FOCAD: variants seen among roughly 807,000 people sequenced by gnomAD.
FOCAD encodes focadhesin, also known as KIAA1797.
FOCAD carries 198 observed loss-of-function variants against 225.6 expected under a neutral mutation model. The ratio of observed to expected loss-of-function variants is 0.88; its 90% CI spans 0.78 to 0.99. FOCAD has a LOEUF of 0.99. FOCAD is among the 50% of genes least tolerant of loss of function. The probability of loss-of-function intolerance (pLI) is 0.00; values close to 1 mark genes in which losing one functional copy is unlikely to be tolerated. For synonymous variants in FOCAD, 897 were observed against 755.0 expected, an observed-to-expected ratio of 1.19 and a Z score of -3.08; for missense variants, 2,713 against 2,123.6, an observed-to-expected ratio of 1.28 and a Z score of -5.46.
intron 30 of FOCAD, among the ~76,000 whole-genome samples, chr9:20,947,744 T>C (rs1239325631): frequency 6.6e-6 from 1 of 152,208 alleles, no homozygotes; most frequent in Non-Finnish European, 1.5e-5. Context: ...TAAAGGTTTC[T>C]CCACTGTCTT....
At chr9:20,848,229 C>A (rs1285536238) in intron 15 of FOCAD, among the ~76,000 whole-genome samples, 1 of 151,948 alleles carries the variant, frequency 6.6e-6, no homozygotes, top group African/African-American at 2.4e-5. Flanking sequence ...TATGACTGGA[C>A]AAAATGGGCA....
chr9:20,956,306 A>G (rs1176446087), intron 35 of FOCAD, among the ~76,000 whole-genome samples: 1 of 152,216 alleles, frequency 6.6e-6, no homozygotes, highest in African/African-American at 2.4e-5. Flanking sequence ...TGCCAAGGTT[A>G]TGTGTGATTT....
chr9:20,798,702 A>G (rs1008415639), intron 11 of FOCAD, among the ~76,000 whole-genome samples: 3 of 151,680 alleles, frequency 2.0e-5, no homozygotes, highest in Admixed American at 2.0e-4. Flanking sequence ...TATCCCCTTT[A>G]TCATTTTTTA....
chr9:20,933,030 G>C lies in FOCAD; in HGVS notation c.3334G>C (p.Glu1112Gln), dbSNP rs955690824. Residue 1112 changes from glutamate (E) to glutamine (Q), a missense_variant, in exon 28 of 44, where the codon GAG becomes CAG. Coordinates refer to ENST00000338382, the MANE Select transcript of FOCAD (RefSeq NM_001375567.1). ...EEKLSDISGQ[E>Q]MNLLLMKSLD... ...TTTAACCAGTGATATATCTGGCCAA[G>C]AGATGAACCTTCTTCTGATGAAGTC... 3 of 1,613,596 alleles carry C rather than the reference G, an allele frequency of 1.9e-6. No individual in the cohort carries two copies. Among genetic ancestry groups the C allele is most frequent in the Non-Finnish European group, 2.5e-6 (3 of 1,179,748 alleles).
At chr9:20,991,638 C>T (rs1026519356) in intron 42 of FOCAD, among the ~76,000 whole-genome samples, 6 of 151,970 alleles carry the variant, frequency 3.9e-5, no homozygotes, top group African/African-American at 1.5e-4. Flanking sequence ...CATGATGAAA[C>T]CCTGTCTCTA....
rs1480064105 is a variant in FOCAD at position 20,740,305 on chromosome 9, T to G, written c.357T>G (p.Gly119=). The part of the protein sequence containing the change: ...LQMQALKEGQ[G]GEKNIQSIYT... ...TGCAAGCTCTTAAGGAAGGACAAGG[T>G]GGGGAAAAGAATATTCAGAGTATAT... Residue 119 remains glycine (G), a synonymous_variant, in exon 5 of 44, where the codon GGT becomes GGG. Coordinates refer to ENST00000338382, the MANE Select transcript of FOCAD (RefSeq NM_001375567.1). The G allele has an allele frequency of 3.1e-6, 5 of 1,611,298 alleles. No homozygotes were observed.
chr9:20,716,985 A>G (rs1189196522), intron 2 of FOCAD, among the ~76,000 whole-genome samples: 1 of 152,190 alleles, frequency 6.6e-6, no homozygotes, highest in African/African-American at 2.4e-5. Context: ...AGTTCCATTC[A>G]ATGAAATATG....
chr9:20,884,869 G>C (rs1830978559), intron 20 of FOCAD, among the ~76,000 whole-genome samples: 1 of 151,772 alleles, frequency 6.6e-6, no homozygotes, highest in South Asian at 2.1e-4. Context: ...AGACCAGCCT[G>C]GCCAATATGG....
At chr9:20,767,835 T>C (rs1830189398) in intron 7 of FOCAD, among the ~76,000 whole-genome samples, 1 of 151,212 alleles carries the variant, frequency 6.6e-6, no homozygotes, top group Non-Finnish European at 1.5e-5. Context: ...TTTAATTAGA[T>C]CCCATTTGTC....
At position 20,929,304 on chromosome 9, in the gene FOCAD, A is replaced by G. The variant is rs1278610895; in HGVS notation, c.3079-54A>G. On this transcript the variant is annotated intron_variant, in intron 26 of 43. Transcript: ENST00000338382. Reference sequence around the variant, plus strand: ...GTTGTATAGTGCTTTTATGATAGGTATGCTTCCTTCATGTTTAAGGCTAAC... The same window carrying G: ...GTTGTATAGTGCTTTTATGATAGGTGTGCTTCCTTCATGTTTAAGGCTAAC... 3.6e-6 allele frequency: 5 copies of G among 1,390,802 alleles called. No individual in the cohort carries two copies. The South Asian group carries it at 4.7e-5, about 13-fold the overall frequency. The allele number at this position is 1,390,802 out of a possible 1,614,324, so 86.2% of individuals were successfully genotyped here.
At chr9:20,891,216 C>T (rs1171242756) in intron 21 of FOCAD, among the ~76,000 whole-genome samples, 1 of 152,140 alleles carries the variant, frequency 6.6e-6, no homozygotes, top group African/African-American at 2.4e-5. Flanking sequence ...CCAGATGTCC[C>T]CCCAATTGGG....
intron 1 of FOCAD, among the ~76,000 whole-genome samples, chr9:20,715,053 T>A (rs1825220854): frequency 6.6e-6 from 1 of 152,200 alleles, no homozygotes; most frequent in Non-Finnish European, 1.5e-5. Flanking sequence ...TTTTTTTCAT[T>A]TCCGTAGTGC....
chr9:20,865,747 G>T (rs1829172277), intron 16 of FOCAD, among the ~76,000 whole-genome samples, 179 bp from the exon 17 acceptor site: 2 of 152,088 alleles, frequency 1.3e-5, no homozygotes, highest in South Asian at 4.1e-4. Flanking sequence ...TGTGCTTAGA[G>T]GATGAGTTTG....
intron 1 of FOCAD, among the ~76,000 whole-genome samples, chr9:20,714,879 T>A (rs1825205369): frequency 6.6e-6 from 1 of 152,186 alleles, no homozygotes. Context: ...CACCTAGGCT[T>A]CACACTTGTC....
chr9:20,937,990 C>T (rs1407041404), intron 28 of FOCAD, among the ~76,000 whole-genome samples: 3 of 152,006 alleles, frequency 2.0e-5, no homozygotes, highest in Non-Finnish European at 4.4e-5. Context: ...TGCTCATCAT[C>T]ACTGGCCATC....
At chr9:20,881,806 A>G in intron 19 of FOCAD, 65 bp from the exon 20 acceptor site, 1 of 1,515,418 alleles carries the variant, frequency 6.6e-7, no homozygotes, top group Non-Finnish European at 9.0e-7. Context: ...TGAGTTAAGA[A>G]CGCATGTTTC....
At chr9:20,686,799 A>G (rs1484997703) in intron 1 of FOCAD, among the ~76,000 whole-genome samples, 1 of 152,188 alleles carries the variant, frequency 6.6e-6, no homozygotes, top group Non-Finnish European at 1.5e-5. Context: ...TAATAGATTG[A>G]TGGAGGTTTT....
chr9:20,837,039 T>C (rs1325778957), intron 15 of FOCAD, among the ~76,000 whole-genome samples: 7 of 152,136 alleles, frequency 4.6e-5, no homozygotes, highest in Non-Finnish European at 1.0e-4. Flanking sequence ...CTCTGCCCTT[T>C]AGTATTCCCA....
intron 4 of FOCAD, among the ~76,000 whole-genome samples, chr9:20,730,848 T>A (rs1826626635): frequency 6.6e-6 from 1 of 152,188 alleles, no homozygotes; most frequent in Non-Finnish European, 1.5e-5. Context: ...TTACTTTTCT[T>A]ATTCCATCAG....
Sources: allele counts gnomAD v4.1 joint callset (sites outside exome capture counted in the v4.1 genomes callset), GRCh38; gene constraint gnomAD v4.1.1; transcripts MANE v1.5; gene names NCBI Gene and HGNC (gene_info 2026-07-23, HGNC 2026-07-21).